Variants in ACCSL observed in about 807,000 individuals in gnomAD.
ACCSL encodes 1-aminocyclopropane-1-carboxylate synthase homolog (inactive) like.
Under a neutral mutation model 61.7 loss-of-function variants are expected in ACCSL, and 55 were observed. The ratio of observed to expected loss-of-function variants is 0.89; its 90% CI spans 0.72 to 1.12. The LOEUF (loss-of-function observed/expected upper bound fraction) is 1.12, where lower values mean the gene tolerates loss of function less well. Among genes scored for constraint, ACCSL ranks in the 50% most tolerant of loss-of-function variants. The probability of loss-of-function intolerance (pLI) is 0.00; values close to 1 mark genes in which losing one functional copy is unlikely to be tolerated. For synonymous variants in ACCSL, 258 were observed against 264.3 expected (o/e 0.98, Z 0.23); for missense variants, 632 against 698.0 (o/e 0.91, Z 1.07).
chr11:43,974,893 G>A, the ACCSL span, among the ~76,000 whole-genome samples: 5 of 152,310 alleles, frequency 3.3e-5, no homozygotes, highest in Admixed American at 1.3e-4. Context: ...TTTCCCAAAA[G>A]AGCAGCCCCC....
At chr11:43,982,135 C>T in the ACCSL span, among the ~76,000 whole-genome samples, 2 of 151,762 alleles carry the variant, frequency 1.3e-5, no homozygotes, top group Non-Finnish European at 2.9e-5. Context: ...GGAAGGTGGC[C>T]GCGGCTCAGC....
chr11:43,932,650 G>A, the ACCSL span, among the ~76,000 whole-genome samples: 1 of 152,224 alleles, frequency 6.6e-6, no homozygotes, highest in Non-Finnish European at 1.5e-5. Flanking sequence ...CCCTCATGCT[G>A]TTACCCCTTA....
the ACCSL span, among the ~76,000 whole-genome samples, chr11:43,934,081 CCTCT>C: frequency 6.6e-6 from 1 of 152,080 alleles, no homozygotes; most frequent in African/African-American, 2.4e-5. Flanking sequence ...TCCCTCTCTC[CCTCT>C]CTGTGTGTCT....
the ACCSL span, among the ~76,000 whole-genome samples, chr11:43,968,343 C>T: frequency 6.6e-6 from 1 of 152,004 alleles, no homozygotes; most frequent in Non-Finnish European, 1.5e-5. Context: ...TACCCACGAC[C>T]CCACACCCAC....
chr11:43,951,079 T>A, the ACCSL span, among the ~76,000 whole-genome samples: 1 of 152,282 alleles, frequency 6.6e-6, no homozygotes, highest in East Asian at 1.9e-4. Flanking sequence ...GGAAAAGCAA[T>A]CCTGAGTCAA....
chr11:44,032,462 C>T, the ACCSL span, among the ~76,000 whole-genome samples: 1 of 152,308 alleles, frequency 6.6e-6, no homozygotes, highest in African/African-American at 2.4e-5. Context: ...AGCAATGGTC[C>T]AGGCAGCTGC....
chr11:43,981,942 G>A, the ACCSL span, among the ~76,000 whole-genome samples: 15 of 152,354 alleles, frequency 9.8e-5, no homozygotes, highest in African/African-American at 3.4e-4. Context: ...AGCTCAGAGT[G>A]TATCATCTTG....
chr11:43,931,113 A>T, the ACCSL span, among the ~76,000 whole-genome samples: 1 of 151,890 alleles, frequency 6.6e-6, no homozygotes, highest in African/African-American at 2.4e-5. Flanking sequence ...TCTTCTTTGT[A>T]CTCTTCTAAC....
rs368009999 is a variant in ACCSL at position 44,053,423 on chromosome 11, C to A, written c.966C>A (p.Gly322=). The A allele has an allele frequency of 1.2e-5, 19 of 1,614,004 alleles. No individual in the cohort carries two copies. The African/African-American group carries it at 2.5e-4, about 22-fold the overall frequency. ...TTTCTTAGGGGAAAAAGGTCCGAGG[C>A]CTTGTGCTAATCAACCCTCAGAATC... The part of the protein sequence containing the change: ...EARLEGKKVR[G]LVLINPQNPL... The change falls in exon 8 of 14, where the codon GGC becomes GGA. Residue 322 remains glycine, a synonymous_variant. Transcript: ENST00000378832.
chr11:44,048,729 T>C (rs1952616933), intron 1 of ACCSL, among the ~76,000 whole-genome samples, 189 bp downstream of exon 1: 1 of 152,086 alleles, frequency 6.6e-6, no homozygotes, highest in Non-Finnish European at 1.5e-5. Context: ...GTTAGAGAAC[T>C]CCATCCACCC....
At chr11:43,943,308 C>G in the ACCSL span, 1 of 1,443,204 alleles carries the variant, frequency 6.9e-7, no homozygotes, top group South Asian at 1.5e-5. This position sits in a 1 kb window ranked among gnomAD's most constrained non-coding sequence, Gnocchi z 4.8. Context: ...CGCGCGTCCG[C>G]GGTCCGCGCG....
rs774849438 is a variant in ACCSL, at chr11:44,051,380, A to G, written c.681A>G (p.Ala227=). The G allele has an allele frequency of 2.4e-5, 38 of 1,613,980 alleles. No individual in the cohort carries two copies. Among genetic ancestry groups the G allele is most frequent in the Non-Finnish European group, 3.1e-5 (37 of 1,180,030 alleles). The part of the protein sequence containing the change: ...VARFLTYYCR[A]PTRLDPENVV... ...GGTTCCTGACCTACTACTGCAGGGC[A>G]CCTACCCGACTTGACCCAGAAAATG... Residue 227 remains alanine (A), a synonymous_variant, in exon 4 of 14, where the codon GCA becomes GCG. Coordinates refer to ENST00000378832, the MANE Select transcript of ACCSL (RefSeq NM_001031854.2).
chr11:43,967,174 T>TATTTA, the ACCSL span, among the ~76,000 whole-genome samples: 1 of 91,190 alleles, frequency 1.1e-5, no homozygotes, highest in Non-Finnish European at 2.3e-5. Context: ...CTTCTTTTTT[T>TATTTA]TTTTTTTTTT....
At chr11:44,014,315 T>C in the ACCSL span, among the ~76,000 whole-genome samples, 2 of 152,144 alleles carry the variant, frequency 1.3e-5, no homozygotes, top group Non-Finnish European at 2.9e-5. Context: ...ATCTGAAAAC[T>C]GGACTGGGCT....
the ACCSL span, among the ~76,000 whole-genome samples, chr11:43,999,537 G>C: frequency 6.6e-6 from 1 of 152,140 alleles, no homozygotes; most frequent in Non-Finnish European, 1.5e-5. Context: ...GTGGTCCTCA[G>C]CTCCTTGTCA....
chr11:43,998,833 C>T, the ACCSL span, among the ~76,000 whole-genome samples: 1 of 150,794 alleles, frequency 6.6e-6, no homozygotes, highest in Non-Finnish European at 1.5e-5. Context: ...GATCACGGCT[C>T]ACTGCAGCCT....
the ACCSL span, among the ~76,000 whole-genome samples, chr11:43,950,430 A>G: frequency 5.9e-5 from 9 of 152,252 alleles, no homozygotes. Context: ...TCATCCTTTC[A>G]GTCTGTCTAT....
chr11:43,978,612 C>G, the ACCSL span, among the ~76,000 whole-genome samples: 1 of 151,512 alleles, frequency 6.6e-6, no homozygotes, highest in African/African-American at 2.4e-5. Context: ...TTTGTTCCCT[C>G]TTGGGCAGGG....
chr11:43,962,765 A>T, the ACCSL span, among the ~76,000 whole-genome samples: 2 of 152,252 alleles, frequency 1.3e-5, no homozygotes, highest in Non-Finnish European at 2.9e-5. Flanking sequence ...AAATGACTGG[A>T]AGCAAATAGA....
Sources: gnomAD v4.1 joint callset for allele counts (sites outside exome capture counted in the v4.1 genomes callset) on GRCh38, gnomAD v4.1.1 for gene constraint, Gnocchi (gnomAD v3.1) non-coding constraint, MANE v1.5 for transcripts, NCBI Gene and HGNC (gene_info 2026-07-23, HGNC 2026-07-21) for gene names.